Variants in SLC4A4 observed in about 807,000 individuals in gnomAD.
SLC4A4 encodes the protein electrogenic sodium bicarbonate cotransporter 1.
A neutral mutation model predicts 111.5 loss-of-function variants in SLC4A4; 27 were observed. The observed-to-expected ratio is 0.24, with a 90% CI of 0.18 to 0.33. The LOEUF (loss-of-function observed/expected upper bound fraction) is 0.33. Ranked by LOEUF, SLC4A4 falls within the 10% of genes least tolerant of loss-of-function variation. The pLI is 1.00. For missense variants in SLC4A4, 909 were observed against 1,315.5 expected (o/e 0.69, Z 4.78); for synonymous variants, 443 against 463.4 (o/e 0.96, Z 0.57).
chr4:71,455,458 T>A (rs1253313623), intron 12 of SLC4A4, among the ~76,000 whole-genome samples: 1 of 152,118 alleles, frequency 6.6e-6, no homozygotes, highest in African/African-American at 2.4e-5. Flanking sequence ...TTCATCTAAA[T>A]GACAGCGTAA....
At chr4:71,521,298 C>G (rs891718788) in intron 16 of SLC4A4, among the ~76,000 whole-genome samples, 1 of 152,038 alleles carries the variant, frequency 6.6e-6, no homozygotes, top group African/African-American at 2.4e-5. Context: ...GTGGAGTAAT[C>G]ATGGCTTACT....
At chr4:71,195,230 G>GTT (rs66527038) in intron 1 of SLC4A4, among the ~76,000 whole-genome samples, 2,051 of 92,908 alleles carry the variant, frequency 0.022, 53 homozygotes, top group African/African-American at 0.06. Flanking sequence ...CTGTATTTGA[G>GTT]TTTTTTTTTT....
At chr4:71,322,377 G>A (rs533604040) in intron 3 of SLC4A4, among the ~76,000 whole-genome samples, 84 of 152,064 alleles carry the variant, frequency 5.5e-4, no homozygotes, top group Non-Finnish European at 1.0e-3. Flanking sequence ...CTATAGGAAG[G>A]AGAATGTCTT....
At chr4:71,380,072 C>G (rs1018008228) in intron 6 of SLC4A4, among the ~76,000 whole-genome samples, 49 of 152,136 alleles carry the variant, frequency 3.2e-4, no homozygotes, top group Non-Finnish European at 6.0e-4. Flanking sequence ...CTAAATTGAT[C>G]AGATTTTAGT....
chr4:71,159,804 A>T lies in SLC4A4; in HGVS notation c.-2+67012A>T, dbSNP rs1185729152. ...GCCCTGTATTACTCAGTGATGATCA[A>T]CTAGCCTATATAAAAATCTGAGCAT... On this transcript the variant is annotated intron_variant, in intron 2 of 26. Transcript: ENST00000649996. Among the ~76,000 whole-genome samples the T allele has an allele frequency of 2.0e-5, 3 of 152,204 alleles. No individual in the cohort carries two copies. In the East Asian group the frequency reaches 5.8e-4, roughly 29 times the overall value.
At position 71,418,532 on chromosome 4, in the gene SLC4A4, A is replaced by G. The variant is rs181163554; in HGVS notation, c.807+20879A>G. 7.2e-4 allele frequency among the ~76,000 whole-genome samples: 109 copies of G among 152,354 alleles called. 1 individual carries two copies. The highest frequency in any genetic ancestry group is 2.6e-3 in the African/African-American group (109 of 41,570). Reference sequence around the variant, plus strand: ...GTCTAAATTTTGGATTCTATGGGCTATCAAGCAATAGCTCTTTTTAGGCCT... The same window carrying G: ...GTCTAAATTTTGGATTCTATGGGCTGTCAAGCAATAGCTCTTTTTAGGCCT... On this transcript the variant is annotated intron_variant, in intron 7 of 25. Coordinates refer to ENST00000264485, the MANE Select transcript of SLC4A4 (RefSeq NM_001098484.3).
chr4:71,315,107 A>G (rs1258833290), intron 3 of SLC4A4, among the ~76,000 whole-genome samples: 2 of 152,158 alleles, frequency 1.3e-5, no homozygotes, highest in African/African-American at 4.8e-5. Flanking sequence ...TATCAAGCTG[A>G]ACAGTAACTA....
chr4:71,556,720 C>T (rs141964046), intron 21 of SLC4A4, among the ~76,000 whole-genome samples: 11 of 151,958 alleles, frequency 7.2e-5, no homozygotes, highest in Admixed American at 5.2e-4. Flanking sequence ...GTAACCCAAA[C>T]TTTATAAATG....
chr4:71,137,367 G>T (rs1043357169), intron 2 of SLC4A4, among the ~76,000 whole-genome samples: 3 of 152,126 alleles, frequency 2.0e-5, no homozygotes, highest in African/African-American at 7.2e-5. Context: ...TATCTATCTA[G>T]ACATCAGTCT....
In SLC4A4 at chr4:71,417,511, G is replaced by A. The variant is rs571091885; in HGVS notation, c.807+19858G>A. Among the ~76,000 whole-genome samples the A allele has an allele frequency of 4.6e-5, 7 of 152,250 alleles. No homozygotes were observed. The South Asian group carries it at 1.5e-3, about 32-fold the overall frequency. ...ATACAGTGGAGTTCATGGCACAACAGTGAAAGAGGAAAATAACTTATTATA... is the reference window on the plus strand; with the variant it reads ...ATACAGTGGAGTTCATGGCACAACAATGAAAGAGGAAAATAACTTATTATA... On this transcript the variant is annotated intron_variant, in intron 7 of 25. Transcript: ENST00000264485.
chr4:71,228,522 A>T (rs1260301962), intron 1 of SLC4A4, among the ~76,000 whole-genome samples: 4 of 152,192 alleles, frequency 2.6e-5, no homozygotes, highest in Non-Finnish European at 5.9e-5. Context: ...AAGTGGTATA[A>T]GCTCATTTTA....
chr4:71,213,449 G>T (rs566750714), intron 1 of SLC4A4, among the ~76,000 whole-genome samples: 37 of 152,240 alleles, frequency 2.4e-4, no homozygotes, highest in African/African-American at 7.7e-4. Context: ...GAAAGCAGGG[G>T]ACTCTTTTGT....
At chr4:71,134,580 G>C (rs973930673) in intron 2 of SLC4A4, among the ~76,000 whole-genome samples, 2 of 152,162 alleles carry the variant, frequency 1.3e-5, no homozygotes, top group Non-Finnish European at 2.9e-5. Flanking sequence ...TACTTCTCTT[G>C]CCACTTGCTT....
intron 3 of SLC4A4, among the ~76,000 whole-genome samples, chr4:71,330,609 T>C (rs1437975935): frequency 1.3e-5 from 2 of 152,244 alleles, no homozygotes; most frequent in Admixed American, 1.3e-4. Flanking sequence ...ACTTAAATAT[T>C]AGACCTAAAA....
At chr4:71,425,102 G>A (rs1419975264) in intron 7 of SLC4A4, among the ~76,000 whole-genome samples, 1 of 152,030 alleles carries the variant, frequency 6.6e-6, no homozygotes, top group East Asian at 1.9e-4. Context: ...GCAAAGAAGC[G>A]AGATTTAGAA....
At chr4:71,408,438 GC>G in intron 7 of SLC4A4, among the ~76,000 whole-genome samples, 1 of 152,130 alleles carries the variant, frequency 6.6e-6, no homozygotes, top group Non-Finnish European at 1.5e-5. Context: ...ATGGGCTACT[GC>G]TTTTTTATTT....
At chr4:71,121,335 G>C (rs1018963750) in intron 2 of SLC4A4, among the ~76,000 whole-genome samples, 1 of 152,192 alleles carries the variant, frequency 6.6e-6, no homozygotes, top group Non-Finnish European at 1.5e-5. Context: ...GCAGGTGCAC[G>C]GCGCTGGACT....
At position 71,428,659 on chromosome 4, in the gene SLC4A4, A is replaced by G. The variant is rs567992427; in HGVS notation, c.808-11957A>G. Among the ~76,000 whole-genome samples, 7 of 152,216 alleles carry G rather than the reference A, an allele frequency of 4.6e-5. No individual in the cohort carries two copies. The South Asian group carries it at 1.4e-3, about 32-fold the overall frequency. On this transcript the variant is annotated intron_variant, in intron 7 of 25. Coordinates refer to ENST00000264485, the MANE Select transcript of SLC4A4 (RefSeq NM_001098484.3). The stretch of plus-strand genomic sequence containing the variant: ...AATTAGCAGGACGAAGAGAAAATAA[A>G]CCAAGAAGAAGAAATGAAGAGAGGA...
At chr4:71,211,771 G>GTT (rs66777834) in intron 1 of SLC4A4, among the ~76,000 whole-genome samples, 1 of 140,182 alleles carries the variant, frequency 7.1e-6, no homozygotes, top group African/African-American at 2.6e-5. Flanking sequence ...GAATTTATCT[G>GTT]TTTTTTTTTT....
Sources: allele counts gnomAD v4.1 joint callset (sites outside exome capture counted in the v4.1 genomes callset), GRCh38; gene constraint gnomAD v4.1.1; transcripts MANE v1.5; gene names NCBI Gene and HGNC (gene_info 2026-07-23, HGNC 2026-07-21).